Variants in PTPRT observed in about 807,000 individuals in gnomAD.
The protein encoded by PTPRT is receptor-type tyrosine-protein phosphatase T.
A neutral mutation model predicts 176.8 loss-of-function variants in PTPRT; 56 were observed. The ratio of observed to expected loss-of-function variants is 0.32; its 90% CI spans 0.26 to 0.40. The LOEUF (loss-of-function observed/expected upper bound fraction) is 0.40, where lower values mean the gene tolerates loss of function less well. PTPRT is among the 10% of genes least tolerant of loss of function. The probability of loss-of-function intolerance (pLI) is 1.00; values close to 1 mark genes in which losing one functional copy is unlikely to be tolerated. For synonymous variants in PTPRT, 783 were observed against 739.0 expected (o/e 1.06, Z -0.96); for missense variants, 1,540 against 1,908.2 (o/e 0.81, Z 3.60).
At chr20:42,883,353 G>A (rs1329777295) in intron 2 of PTPRT, among the ~76,000 whole-genome samples, 1 of 152,070 alleles carries the variant, frequency 6.6e-6, no homozygotes, top group Non-Finnish European at 1.5e-5. Flanking sequence ...TACTTAGGAA[G>A]TAAAATGGCA....
chr20:42,345,870 A>C (rs1430630148), intron 11 of PTPRT, among the ~76,000 whole-genome samples: 1 of 152,180 alleles, frequency 6.6e-6, no homozygotes, highest in Admixed American at 6.5e-5. Flanking sequence ...GAAACCGGAA[A>C]CAAGGCTAAG....
rs60874124 is a variant in PTPRT at position 42,610,384 on chromosome 20, T to G, written c.1153+67482A>C. 1.7e-3 allele frequency among the ~76,000 whole-genome samples: 237 copies of G among 142,382 alleles called. 1 individual carries two copies. In the East Asian group the frequency reaches 0.019, roughly 11 times the overall value. The allele number at this position is 142,382 out of a possible 152,430, so 93.4% of individuals were successfully genotyped here. On this transcript the variant is annotated intron_variant, in intron 7 of 30. Coordinates refer to ENST00000373187, the MANE Select transcript of PTPRT (RefSeq NM_007050.6). ...TCTGCGGGTTTACTTGTTTTGTTTT[T>G]TTTTTTTGTTTTTTTTTTTGAGATG...
chr20:42,498,017 C>T (rs78848134), intron 7 of PTPRT, among the ~76,000 whole-genome samples: 1,592 of 152,226 alleles, frequency 0.01, 15 homozygotes, highest in Middle Eastern at 0.027. Flanking sequence ...CTTTTCTCTG[C>T]TTCTTTGGAG....
intron 29 of PTPRT, among the ~76,000 whole-genome samples, chr20:42,084,414 AG>A (rs1228631489): frequency 1.3e-5 from 2 of 152,224 alleles, no homozygotes; most frequent in East Asian, 3.8e-4. Context: ...ATTGTAGAGA[AG>A]CAGGCAACCT....
intron 7 of PTPRT, among the ~76,000 whole-genome samples, chr20:42,621,562 C>T (rs1046030064): frequency 6.6e-6 from 1 of 152,238 alleles, no homozygotes; most frequent in South Asian, 2.1e-4. Context: ...TGCCATTGAC[C>T]TCATCCTCCT....
intron 2 of PTPRT, among the ~76,000 whole-genome samples, chr20:42,820,118 T>C (rs1256926580): frequency 6.6e-6 from 1 of 151,974 alleles, no homozygotes; most frequent in African/African-American, 2.4e-5. Context: ...GAATATGCAT[T>C]CTTCTCAGTG....
chr20:42,591,975 CTTTTTTTTTT>C (rs71335866), intron 7 of PTPRT, among the ~76,000 whole-genome samples: 1 of 102,392 alleles, frequency 9.8e-6, no homozygotes, highest in African/African-American at 4.1e-5. Context: ...GCTGGAGATT[CTTTTTTTTTT>C]TTTTTTTTTT....
intron 1 of PTPRT, among the ~76,000 whole-genome samples, chr20:43,173,275 A>G (rs2015048120): frequency 6.6e-6 from 1 of 152,186 alleles, no homozygotes; most frequent in Non-Finnish European, 1.5e-5. Context: ...CAGAGCGGAA[A>G]CTTAGAGGGG....
intron 2 of PTPRT, among the ~76,000 whole-genome samples, chr20:42,809,916 G>A (rs2077672279): frequency 6.6e-6 from 1 of 152,060 alleles, no homozygotes; most frequent in African/African-American, 2.4e-5. Context: ...CTGGGGGGCC[G>A]TGATTCAACC....
Position 43,189,537 on chromosome 20 carries a change from C to G in PTPRT, c.88+109G>C, listed in dbSNP as rs996612943. 7.6e-6 allele frequency: 5 copies of G among 660,582 alleles called. No homozygotes were observed. In the African/African-American group the frequency reaches 9.4e-5, roughly 12 times the overall value. The allele number at this position is 660,582 out of a possible 1,614,324, so 40.9% of individuals were successfully genotyped here. A position where few individuals can be genotyped will look rare whatever the true frequency, so the allele number is the denominator to read the frequency against. On this transcript the variant is annotated intron_variant, in intron 1 of 30. Coordinates refer to ENST00000373187, the MANE Select transcript of PTPRT (RefSeq NM_007050.6). This position sits in a 1 kb window ranked among gnomAD's most constrained non-coding sequence, Gnocchi z 5.0. ...CCCGGGTTCCGGCCATGGGGACCCG[C>G]GCCCCCGCGAGCCCACACAACTTTC...
intron 12 of PTPRT, among the ~76,000 whole-genome samples, chr20:42,296,441 G>C (rs2057387943): frequency 1.3e-5 from 1 of 78,614 alleles, no homozygotes; most frequent in Admixed American, 1.1e-4. Context: ...GCGAGACTCT[G>C]TCTCAAAAAA....
intron 1 of PTPRT, among the ~76,000 whole-genome samples, chr20:43,128,753 A>C (rs1193174634): frequency 6.6e-6 from 1 of 152,162 alleles, no homozygotes; most frequent in Non-Finnish European, 1.5e-5. Context: ...AAGACAACAA[A>C]AAATCAGACA....
chr20:42,666,563 A>T (rs2075320339), intron 7 of PTPRT, among the ~76,000 whole-genome samples: 1 of 152,176 alleles, frequency 6.6e-6, no homozygotes, highest in African/African-American at 2.4e-5. Context: ...AATGAATCCC[A>T]TTAAGATTTT....
At chr20:43,146,397 G>C (rs1044332111) in intron 1 of PTPRT, among the ~76,000 whole-genome samples, 1 of 152,148 alleles carries the variant, frequency 6.6e-6, no homozygotes, top group Non-Finnish European at 1.5e-5. Flanking sequence ...GAAAAAAATA[G>C]ATGTTCAAGG....
chr20:42,663,948 T>G (rs1405810975), intron 7 of PTPRT, among the ~76,000 whole-genome samples: 1 of 152,190 alleles, frequency 6.6e-6, no homozygotes, highest in African/African-American at 2.4e-5. Flanking sequence ...GAAACTCTCT[T>G]TTGAGCAGCT....
chr20:42,990,759 C>G (rs1002518155), intron 1 of PTPRT, among the ~76,000 whole-genome samples: 1 of 152,042 alleles, frequency 6.6e-6, no homozygotes, highest in African/African-American at 2.4e-5. Flanking sequence ...TCTTATTTTT[C>G]TTTATGAAGG....
intron 7 of PTPRT, among the ~76,000 whole-genome samples, chr20:42,647,194 G>A (rs2074925788): frequency 6.6e-6 from 1 of 151,896 alleles, no homozygotes; most frequent in Admixed American, 6.6e-5. Context: ...ACCATGCCCA[G>A]CCTCCAATGA....
chr20:42,187,507 C>T (rs1990828897), intron 16 of PTPRT, among the ~76,000 whole-genome samples: 1 of 152,182 alleles, frequency 6.6e-6, no homozygotes, highest in South Asian at 2.1e-4. Flanking sequence ...ATCCTTGGCC[C>T]TTTGCTATTT....
At chr20:43,118,628 C>T (rs956161430) in intron 1 of PTPRT, among the ~76,000 whole-genome samples, 4 of 152,072 alleles carry the variant, frequency 2.6e-5, no homozygotes, top group African/African-American at 7.2e-5. Flanking sequence ...TTAGTAGAGA[C>T]GGGGTTTCAC....
Sources: gnomAD v4.1 joint callset for allele counts (sites outside exome capture counted in the v4.1 genomes callset) on GRCh38, gnomAD v4.1.1 for gene constraint, Gnocchi (gnomAD v3.1) non-coding constraint, MANE v1.5 for transcripts, NCBI Gene and HGNC (gene_info 2026-07-23, HGNC 2026-07-21) for gene names.